Variants in TKFC observed in about 807,000 individuals in gnomAD.
TKFC encodes triokinase and FMN cyclase.
A neutral mutation model predicts 61.0 loss-of-function variants in TKFC; 46 were observed. The observed-to-expected ratio is 0.75, with a 90% CI of 0.60 to 0.96. The LOEUF (loss-of-function observed/expected upper bound fraction) is 0.96, where lower values mean the gene tolerates loss of function less well. Ranked by LOEUF, TKFC falls within the 50% of genes least tolerant of loss-of-function variation. The pLI is 0.00. For missense variants in TKFC, 715 were observed against 777.5 expected (o/e 0.92, Z 0.96); for synonymous variants, 314 against 330.1 (o/e 0.95, Z 0.53).
rs1355873215 is a variant in TKFC, at chr11:61,347,514, G to A, written c.*1011G>A. Reference sequence around the variant, plus strand: ...TAAGCATGCCACTATACTCCAGCCTGGGCAACAAAGCGAGACCCTGTCTCA... The same window carrying A: ...TAAGCATGCCACTATACTCCAGCCTAGGCAACAAAGCGAGACCCTGTCTCA... On this transcript the variant is annotated 3_prime_UTR_variant, in exon 18 of 18. Transcript: ENST00000394900. 2.0e-5 allele frequency: 20 copies of A among 982,020 alleles called. No individual in the cohort carries two copies. Among genetic ancestry groups the A allele is most frequent in the Non-Finnish European group, 2.3e-5 (19 of 829,622 alleles). 60.8% of individuals were successfully genotyped at this position (982,020 alleles called of 1,614,324 possible). A position where few individuals can be genotyped will look rare whatever the true frequency, so the allele number is the denominator to read the frequency against.
chr11:61,342,317 C>T (rs1041808130), intron 7 of TKFC, 144 bp from the exon 8 acceptor site: 41 of 1,029,736 alleles, frequency 4.0e-5, no homozygotes, highest in Non-Finnish European at 5.7e-5. Context: ...GAACAGAGAT[C>T]GTGTTTTTCA....
rs1434306630 is a variant in TKFC at position 61,345,892 on chromosome 11, A to G, written c.1521A>G (p.Gln507=). 1.2e-6 allele frequency: 2 copies of G among 1,614,148 alleles called. No individual in the cohort carries two copies. The highest frequency in any genetic ancestry group is 1.7e-6 in the Non-Finnish European group (2 of 1,180,040). The change falls in exon 17 of 18, where the codon CAA becomes CAG. Residue 507 remains glutamine (Q), a synonymous_variant. Transcript: ENST00000394900. ...TGTGGGCAGCGGGGCAGGAGCTCCA[A>G]GCCTGGAAGAGCCCAGGAGCTGATC... ...DSLWAAGQEL[Q]AWKSPGADLL... is the part of the protein sequence containing the mutation.
downstream of TKFC, chr11:61,352,772 G>A (rs1026432254): frequency 6.4e-6 from 9 of 1,406,264 alleles, no homozygotes; most frequent in South Asian, 1.4e-4. Flanking sequence ...CTGACACACA[G>A]CAGGTGCTAA....
chr11:61,352,025 C>G (rs541289171), downstream of TKFC: 5 of 152,286 alleles, frequency 3.3e-5, no homozygotes, highest in South Asian at 8.3e-4. Flanking sequence ...GCCACGGCAC[C>G]CAGCTGTAAT....
chr11:61,349,456 G>A (rs1857292781), downstream of TKFC: 1 of 682,536 alleles, frequency 1.5e-6, no homozygotes, highest in East Asian at 2.7e-5. Flanking sequence ...AGGCAGGAAG[G>A]CCCTGATCCA....
Position 61,347,644 on chromosome 11 carries a change from G to A in TKFC, c.*1141G>A. The A allele has an allele frequency of 1.0e-6, 1 of 985,376 alleles. No individual in the cohort carries two copies. The highest frequency in any genetic ancestry group is 1.2e-6 in the Non-Finnish European group (1 of 829,942). The allele number at this position is 985,376 out of a possible 1,614,324, so 61.0% of individuals were successfully genotyped here. ...GGGTGAGCAGGGGCACTGTATGCAT[G>A]TGGAGACAAACAGCACATGCCTGGC... On this transcript the variant is annotated 3_prime_UTR_variant, in exon 18 of 18. Transcript: ENST00000394900.
chr11:61,342,061 C>T, intron 7 of TKFC, 149 bp downstream of exon 7: 2 of 770,340 alleles, frequency 2.6e-6, no homozygotes. Context: ...CCTGGGCCAA[C>T]CTGCCTGATT....
chr11:61,344,027 G>GT, intron 12 of TKFC, 52 bp downstream of exon 12: 1 of 1,602,506 alleles, frequency 6.2e-7, no homozygotes, highest in Non-Finnish European at 8.5e-7. Flanking sequence ...GGATGCAGGA[G>GT]TATACGGTGG....
rs371411471 is a variant in TKFC at position 61,339,292 on chromosome 11, C to G, written c.343C>G (p.Arg115Gly). Residue 115 changes from arginine (R) to glycine (G), a missense_variant, in exon 5 of 18, where the codon CGG becomes GGG. Coordinates refer to ENST00000394900, the MANE Select transcript of TKFC (RefSeq NM_015533.4). ...LLIVKNYTGD[R>G]LNFGLAREQA... ...TATCGTGAAGAACTACACTGGGGAT[C>G]GGCTCAACTTCGGCCTGGCCCGGGA... is the stretch of plus-strand genomic sequence containing the variant. 3.1e-6 allele frequency: 5 copies of G among 1,613,766 alleles called. No homozygotes were observed. The highest frequency in any genetic ancestry group is 4.2e-6 in the Non-Finnish European group (5 of 1,179,926).
rs1565044225 is a variant in TKFC at position 61,334,725 on chromosome 11, C to T, written c.-4C>T. 1.2e-6 allele frequency: 2 copies of T among 1,614,134 alleles called. No individual in the cohort carries two copies. The highest frequency in any genetic ancestry group is 1.7e-6 in the Non-Finnish European group (2 of 1,179,996). On this transcript the variant is annotated 5_prime_UTR_variant, in exon 2 of 18. Transcript: ENST00000394900. ...AACTCAGCCTGTTTCAGAGCCTCCA[C>T]ACCATGGTGAGTCATACAGGGCCGG...
downstream of TKFC, chr11:61,350,605 CT>C (rs1214252602): frequency 4.3e-6 from 3 of 700,680 alleles, no homozygotes; most frequent in Admixed American, 8.4e-5. Flanking sequence ...CCATCAAGAC[CT>C]GCTCTGAGCA....
chr11:61,339,992 T>C (rs1293823483), intron 5 of TKFC, among the ~76,000 whole-genome samples: 1 of 151,962 alleles, frequency 6.6e-6, no homozygotes, highest in Non-Finnish European at 1.5e-5. Flanking sequence ...TTTTTTTATT[T>C]TCTTTTATTT....
chr11:61,342,295 C>T, intron 7 of TKFC, 166 bp from the exon 8 acceptor site: 1 of 890,660 alleles, frequency 1.1e-6, no homozygotes, highest in Non-Finnish European at 1.8e-6. Context: ...CACCAGGCCA[C>T]AAGCTCCCAG....
In TKFC at chr11:61,348,235, G is replaced by A. The variant is rs1857236242; in HGVS notation, c.*1732G>A. 1.0e-6 allele frequency: 1 copy of A among 985,300 alleles called. No homozygotes were observed. Among genetic ancestry groups the A allele is most frequent in the African/African-American group, 1.7e-5 (1 of 57,212 alleles). The allele number at this position is 985,300 out of a possible 1,614,324, so 61.0% of individuals were successfully genotyped here. On this transcript the variant is annotated 3_prime_UTR_variant, in exon 18 of 18. Transcript: ENST00000394900. Reference sequence around the variant, plus strand: ...ACCCTTTTTGAGTCTTGTTTTCTCAGATTATGAAATAGGAAAAATTTCCTT... The same window carrying A: ...ACCCTTTTTGAGTCTTGTTTTCTCAAATTATGAAATAGGAAAAATTTCCTT...
intron 15 of TKFC, 27 bp from the exon 16 acceptor site, chr11:61,345,685 G>A: frequency 6.2e-7 from 1 of 1,614,230 alleles, no homozygotes; most frequent in Non-Finnish European, 8.5e-7. Flanking sequence ...CCTATAGTGA[G>A]CCTCTTTCAC....
downstream of TKFC, chr11:61,349,705 G>C (rs1027018427): frequency 1.4e-6 from 1 of 699,528 alleles, no homozygotes; most frequent in African/African-American, 1.7e-5. Context: ...ATACGAAACA[G>C]AACAGCTCAG....
At chr11:61,350,595 CCAT>C (rs1314652195), downstream of TKFC, 25 of 741,964 alleles carry the variant, frequency 3.4e-5, no homozygotes, top group East Asian at 6.2e-4. Context: ...TCCCTACATC[CCAT>C]CAAGACCTGC....
intron 7 of TKFC, 61 bp downstream of exon 7, chr11:61,341,973 TTGCATACCC>T: frequency 6.7e-7 from 1 of 1,494,810 alleles, no homozygotes. Flanking sequence ...TTTGCCCACC[TTGCATACCC>T]TTAGAGCCAT....
rs181599267 is a variant in TKFC, at chr11:61,348,552, G to A, written c.*2049G>A. 1.6e-4 allele frequency: 157 copies of A among 960,780 alleles called. No individual in the cohort carries two copies. In the Admixed American group the frequency reaches 1.8e-3, roughly 11 times the overall value. The allele number at this position is 960,780 out of a possible 1,614,324, so 59.5% of individuals were successfully genotyped here. A position where few individuals can be genotyped will look rare whatever the true frequency, so the allele number is the denominator to read the frequency against. On this transcript the variant is annotated 3_prime_UTR_variant, in exon 18 of 18. Transcript: ENST00000394900. ...AAAGGCTCACCCCCACTATGGTAGTGTTAGGACGTGGGGCCTTTGGGAGGT... is the reference window on the plus strand; with the variant it reads ...AAAGGCTCACCCCCACTATGGTAGTATTAGGACGTGGGGCCTTTGGGAGGT...
Sources: allele counts gnomAD v4.1 joint callset (sites outside exome capture counted in the v4.1 genomes callset), GRCh38; gene constraint gnomAD v4.1.1; transcripts MANE v1.5; gene names NCBI Gene and HGNC (gene_info 2026-07-23, HGNC 2026-07-21).